The following KATNAL1 variants were observed in gnomAD, a reference collection of about 807,000 sequenced individuals.
KATNAL1 encodes katanin catalytic subunit A1 like 1, also known as katanin p60 ATPase-containing subunit A-like 1.
KATNAL1 carries 32 observed loss-of-function variants against 55.2 expected under a neutral mutation model. The observed-to-expected ratio is 0.58, with a 90% CI of 0.44 to 0.78. The LOEUF is 0.78. Ranked by LOEUF, KATNAL1 falls within the 30% of genes least tolerant of loss-of-function variation. The probability of loss-of-function intolerance (pLI) is 0.00; values close to 1 mark genes in which losing one functional copy is unlikely to be tolerated. For missense variants in KATNAL1, 466 were observed against 600.9 expected (o/e 0.78, Z 2.35); for synonymous variants, 193 against 193.6 (o/e 1.00, Z 0.02).
chr13:30,230,475 C>A lies in KATNAL1; in HGVS notation c.1005G>T (p.Gln335His), dbSNP rs776498354. The A allele has an allele frequency of 1.2e-6, 2 of 1,607,170 alleles. No individual in the cohort carries two copies. The highest frequency in any genetic ancestry group is 2.3e-5 in the South Asian group (2 of 88,834). Residue 335 changes from glutamine (Q) to histidine (H), a missense_variant, in exon 8 of 11, where the codon CAG (glutamine) becomes CAT (histidine). Physicochemically the swap from Gln to His is conservative, Grantham distance 24. Around this residue, in one of 3 missense-constraint regions of KATNAL1, gnomAD observed 213 missense variants for 308.6 expected, o/e 0.69. Transcript: ENST00000380615. ...SRRVKSELLI[Q>H]MDGVGGALEN... is the part of the protein sequence containing the mutation. ...TAATTAAATATCAATTACCATCCAT[C>A]TGAATGAGCAGTTCAGACTTGACCC... is the stretch of plus-strand genomic sequence containing the variant.
At position 30,283,794 on chromosome 13, in the gene KATNAL1, A is replaced by AG. The variant is rs2137539272; in HGVS notation, c.-14-4_-14-3insC. The AG allele has an allele frequency of 6.3e-7, 1 of 1,591,994 alleles. No individual in the cohort carries two copies. Among genetic ancestry groups the AG allele is most frequent in the East Asian group, 2.2e-5 (1 of 44,534 alleles). ...CAAATTCATCTTCTTTCAGAGACCTAAACATAAAATATAATGACTTTTTAA... is the reference window on the plus strand; with the variant it reads ...CAAATTCATCTTCTTTCAGAGACCTAGAACATAAAATATAATGACTTTTTAA... On this transcript the variant is annotated splice_polypyrimidine_tract_variant and splice_region_variant and intron_variant, in intron 1 of 10. Coordinates refer to ENST00000380615, the MANE Select transcript of KATNAL1 (RefSeq NM_032116.5).
chr13:30,245,727 G>A (rs375349725), intron 4 of KATNAL1, among the ~76,000 whole-genome samples: 10 of 152,190 alleles, frequency 6.6e-5, no homozygotes, highest in Admixed American at 2.6e-4. Flanking sequence ...AAAAATCAAC[G>A]TGCAAAAATC....
Position 30,301,872 on chromosome 13 carries a change from A to G in KATNAL1, c.-15+5459T>C, listed in dbSNP as rs907125003. 3.3e-5 allele frequency among the ~76,000 whole-genome samples: 5 copies of G among 152,066 alleles called. No homozygotes were observed. In the East Asian group the frequency reaches 9.6e-4, roughly 29 times the overall value. On this transcript the variant is annotated intron_variant, in intron 1 of 10. Coordinates refer to ENST00000380615, the MANE Select transcript of KATNAL1 (RefSeq NM_032116.5). ...ACTGTATTTTATGAAGTATGTATGT[A>G]TGTATTTATTTATTTTTGAGGCAAG...
In KATNAL1 at chr13:30,277,915, G is replaced by A. The variant is rs1020030441; in HGVS notation, c.323+2148C>T. 4.8e-5 allele frequency among the ~76,000 whole-genome samples: 7 copies of A among 144,830 alleles called. No individual in the cohort carries two copies. In the South Asian group the frequency reaches 1.3e-3, roughly 27 times the overall value. On this transcript the variant is annotated intron_variant, in intron 3 of 10. Coordinates refer to ENST00000380615, the MANE Select transcript of KATNAL1 (RefSeq NM_032116.5). Reference sequence around the variant, plus strand: ...GGAGAATGGCGTGAACCCGGGAGGCGGAGCTTGCAGTGAGCCGAGATTGCG... The same window carrying A: ...GGAGAATGGCGTGAACCCGGGAGGCAGAGCTTGCAGTGAGCCGAGATTGCG...
At chr13:30,286,465 G>A (rs1881796076) in intron 1 of KATNAL1, among the ~76,000 whole-genome samples, 1 of 152,250 alleles carries the variant, frequency 6.6e-6, no homozygotes, top group Non-Finnish European at 1.5e-5. Context: ...TCCACATGGT[G>A]CTGGGCCTGC....
At chr13:30,241,109 A>G (rs1167248071) in intron 4 of KATNAL1, 23 bp from the exon 5 acceptor site, 18 of 1,600,062 alleles carry the variant, frequency 1.1e-5, no homozygotes, top group Non-Finnish European at 1.5e-5. Context: ...ATAAAAAAAA[A>G]GTACTAGTCA....
At chr13:30,230,649 T>A (rs1160301434) in intron 7 of KATNAL1, 55 bp from the exon 8 acceptor site, 3 of 1,356,520 alleles carry the variant, frequency 2.2e-6, no homozygotes, top group East Asian at 2.5e-5. Context: ...ACAATTGGAG[T>A]ATTTAAAAAA....
intron 3 of KATNAL1, among the ~76,000 whole-genome samples, chr13:30,265,782 G>A (rs846486): frequency 0.3 from 44,219 of 149,864 alleles, 7,533 homozygotes; most frequent in Admixed American, 0.44. Flanking sequence ...AGGCTGAGGC[G>A]GGCAGATCAC....
At chr13:30,287,284 A>G (rs901591255) in intron 1 of KATNAL1, among the ~76,000 whole-genome samples, 2 of 152,200 alleles carry the variant, frequency 1.3e-5, no homozygotes, top group African/African-American at 4.8e-5. Flanking sequence ...GCAGGAGCAC[A>G]TGGAGGTGAC....
At chr13:30,246,636 C>T (rs1366391202) in intron 4 of KATNAL1, among the ~76,000 whole-genome samples, 1 of 152,192 alleles carries the variant, frequency 6.6e-6, no homozygotes, top group African/African-American at 2.4e-5. Context: ...TTTTTGCAAT[C>T]TATCCATCTG....
chr13:30,249,326 C>T (rs184258573), intron 4 of KATNAL1, among the ~76,000 whole-genome samples: 1 of 152,198 alleles, frequency 6.6e-6, no homozygotes, highest in Admixed American at 6.5e-5. Flanking sequence ...ACTTGTATAA[C>T]CACTTTGGAA....
At chr13:30,265,482 C>G (rs1307131264) in intron 3 of KATNAL1, among the ~76,000 whole-genome samples, 1 of 151,822 alleles carries the variant, frequency 6.6e-6, no homozygotes, top group East Asian at 1.9e-4. Context: ...TTGAGCACCA[C>G]AGACAACGTT....
At chr13:30,283,877 CTTT>C (rs34524152) in intron 1 of KATNAL1, 86 bp from the exon 2 acceptor site, 1,665 of 690,868 alleles carry the variant, frequency 2.4e-3, no homozygotes, top group South Asian at 3.4e-3. Flanking sequence ...TTTAAAACTA[CTTT>C]TTTTTTTTTT....
rs116650165 is a variant in KATNAL1, at chr13:30,255,765, A to G, written c.324-150T>C. The G allele has an allele frequency of 4.2e-3, 2,711 of 648,122 alleles. 50 individuals are homozygous for G. The African/African-American group carries it at 0.044, about 11-fold the overall frequency. 40.1% of individuals were successfully genotyped at this position (648,122 alleles called of 1,614,324 possible). A position where few individuals can be genotyped will look rare whatever the true frequency, so the allele number is the denominator to read the frequency against. ...CTTTGGCCAATTCATGGCCACAACTATTAGGTTAGTTTTCCCAAATTCTTT... is the reference window on the plus strand; with the variant it reads ...CTTTGGCCAATTCATGGCCACAACTGTTAGGTTAGTTTTCCCAAATTCTTT... On this transcript the variant is annotated intron_variant, in intron 3 of 10. Transcript: ENST00000380615.
intron 6 of KATNAL1, among the ~76,000 whole-genome samples, chr13:30,238,624 G>T (rs1248580244): frequency 6.6e-6 from 1 of 152,138 alleles, no homozygotes; most frequent in Non-Finnish European, 1.5e-5. Context: ...ACGTCCTCAA[G>T]CATAAAGCCT....
chr13:30,305,140 A>G (rs979543965), intron 1 of KATNAL1, among the ~76,000 whole-genome samples: 9 of 152,136 alleles, frequency 5.9e-5, no homozygotes, highest in Non-Finnish European at 1.0e-4. Context: ...TACAAATCTG[A>G]CGCCACCACC....
chr13:30,295,767 C>T (rs1882441515), intron 1 of KATNAL1, among the ~76,000 whole-genome samples: 1 of 152,166 alleles, frequency 6.6e-6, no homozygotes, highest in African/African-American at 2.4e-5. Flanking sequence ...AAAGCAGCAG[C>T]AGGGTTTGGA....
chr13:30,241,124 T>C (rs755742105), intron 4 of KATNAL1, 38 bp from the exon 5 acceptor site: 6 of 1,567,226 alleles, frequency 3.8e-6, no homozygotes, highest in African/African-American at 2.7e-5. Flanking sequence ...TAGTCAGTAA[T>C]GGATAATTTA....
intron 9 of KATNAL1, among the ~76,000 whole-genome samples, chr13:30,216,098 A>T (rs1340729972): frequency 6.6e-6 from 1 of 152,170 alleles, no homozygotes; most frequent in African/African-American, 2.4e-5. Flanking sequence ...AACATGGATA[A>T]ATCTTAAAAT....
Sources: gnomAD v4.1 joint callset for allele counts (sites outside exome capture counted in the v4.1 genomes callset) on GRCh38, gnomAD v4.1.1 for gene constraint, gnomAD v4.1.1 regional missense constraint, MANE v1.5 for transcripts, NCBI Gene and HGNC (gene_info 2026-07-23, HGNC 2026-07-21) for gene names.